Variants in DTNBP1 observed in about 807,000 individuals in gnomAD.
DTNBP1 encodes the protein dystrobrevin binding protein 1.
Under a neutral mutation model 42.8 loss-of-function variants are expected in DTNBP1, and 35 were observed. The ratio of observed to expected loss-of-function variants is 0.82; its 90% CI spans 0.63 to 1.09. DTNBP1 has a LOEUF of 1.09. Ranked by LOEUF, DTNBP1 falls within the 50% of genes least tolerant of loss-of-function variation. DTNBP1 has a pLI of 0.00. For synonymous variants in DTNBP1, 171 were observed against 162.2 expected, an observed-to-expected ratio of 1.05 and a Z score of -0.41; for missense variants, 457 against 424.2, an observed-to-expected ratio of 1.08 and a Z score of -0.68.
At chr6:15,541,561 T>A (rs1396103985) in intron 7 of DTNBP1, among the ~76,000 whole-genome samples, 1 of 152,196 alleles carries the variant, frequency 6.6e-6, no homozygotes. Context: ...TGCAGTAGTT[T>A]TTCTACGACG....
At chr6:15,599,805 CAAATTT>C (rs1239853232) in intron 6 of DTNBP1, among the ~76,000 whole-genome samples, 2 of 152,118 alleles carry the variant, frequency 1.3e-5, no homozygotes, top group Non-Finnish European at 2.9e-5. Flanking sequence ...ATCTTTATTA[CAAATTT>C]AAATTTAAAT....
At chr6:15,538,752 TCC>T (rs2127803802) in intron 7 of DTNBP1, among the ~76,000 whole-genome samples, 1 of 152,324 alleles carries the variant, frequency 6.6e-6, no homozygotes, top group South Asian at 2.1e-4. Context: ...GACACCCTGC[TCC>T]GCTGAGTTTG....
intron 7 of DTNBP1, among the ~76,000 whole-genome samples, chr6:15,550,785 G>A (rs139414101): frequency 7.3e-4 from 111 of 152,338 alleles, no homozygotes; most frequent in Non-Finnish European, 9.8e-4. Context: ...ATGAGAGGCA[G>A]ATTCTGCCCC....
At chr6:15,565,904 T>C (rs1349215865) in intron 7 of DTNBP1, among the ~76,000 whole-genome samples, 1 of 152,214 alleles carries the variant, frequency 6.6e-6, no homozygotes, top group Non-Finnish European at 1.5e-5. Context: ...TTAGCACTTA[T>C]TGTGAAGTGT....
At chr6:15,623,807 T>C (rs1759180274) in intron 5 of DTNBP1, among the ~76,000 whole-genome samples, 1 of 152,204 alleles carries the variant, frequency 6.6e-6, no homozygotes, top group Non-Finnish European at 1.5e-5. Flanking sequence ...TTTCACAGAA[T>C]AAGAAAGTGC....
intron 7 of DTNBP1, among the ~76,000 whole-genome samples, chr6:15,586,189 A>G (rs888045470): frequency 1.3e-5 from 2 of 152,190 alleles, no homozygotes; most frequent in Non-Finnish European, 2.9e-5. Context: ...AAAATTAAAA[A>G]TATAGTTCAT....
At chr6:15,604,352 C>A (rs1207410615) in intron 6 of DTNBP1, among the ~76,000 whole-genome samples, 2 of 152,210 alleles carry the variant, frequency 1.3e-5, no homozygotes, top group East Asian at 3.9e-4. Flanking sequence ...CAGACTTCTG[C>A]TGCAGAACTG....
chr6:15,624,445 A>G (rs1309664219), intron 5 of DTNBP1, among the ~76,000 whole-genome samples: 1 of 152,226 alleles, frequency 6.6e-6, no homozygotes, highest in East Asian at 1.9e-4. Flanking sequence ...ACAATTCCCA[A>G]GGGGCTAGGT....
intron 9 of DTNBP1, chr6:15,524,178 G>A (rs777567936): frequency 6.2e-6 from 9 of 1,455,472 alleles, no homozygotes; most frequent in African/African-American, 2.8e-5. Context: ...CGTGAGCCCC[G>A]CAGGAGAGTC....
intron 6 of DTNBP1, among the ~76,000 whole-genome samples, chr6:15,600,215 G>C (rs983120976): frequency 6.6e-6 from 1 of 152,126 alleles, no homozygotes; most frequent in Non-Finnish European, 1.5e-5. Context: ...AGTACAGATG[G>C]CTTTGTGTGG....
At chr6:15,524,120 G>A (rs1772162516) in intron 9 of DTNBP1, 3 of 1,358,356 alleles carry the variant, frequency 2.2e-6, no homozygotes, top group Middle Eastern at 2.9e-4. Flanking sequence ...CTTTGCCCAT[G>A]GCAGGCACGC....
intron 9 of DTNBP1, 153 bp downstream of exon 9, chr6:15,524,373 C>G: frequency 6.2e-7 from 1 of 1,613,716 alleles, no homozygotes; most frequent in Non-Finnish European, 8.5e-7. Context: ...GCCACACAGC[C>G]GTGTGGAACC....
chr6:15,589,714 G>C (rs895417500), intron 7 of DTNBP1, among the ~76,000 whole-genome samples: 2 of 151,976 alleles, frequency 1.3e-5, no homozygotes, highest in Non-Finnish European at 2.9e-5. Flanking sequence ...CCTTCTCTAA[G>C]GTCTTAGGAA....
At chr6:15,549,433 C>T (rs553527223) in intron 7 of DTNBP1, among the ~76,000 whole-genome samples, 10 of 146,958 alleles carry the variant, frequency 6.8e-5, no homozygotes, top group Non-Finnish European at 1.2e-4. Context: ...TGCAGTGAGC[C>T]GAGACCGCGC....
chr6:15,617,873 C>A (rs893342492), intron 5 of DTNBP1, among the ~76,000 whole-genome samples: 1 of 151,950 alleles, frequency 6.6e-6, no homozygotes, highest in African/African-American at 2.4e-5. Context: ...AATAGACAAA[C>A]TAGACTGTAT....
chr6:15,586,272 C>CA (rs1310625399), intron 7 of DTNBP1, among the ~76,000 whole-genome samples: 3 of 152,216 alleles, frequency 2.0e-5, no homozygotes, highest in African/African-American at 7.2e-5. Flanking sequence ...AAGGTTTTTT[C>CA]AAATTCAGCA....
At chr6:15,561,526 T>C (rs1341135964) in intron 7 of DTNBP1, among the ~76,000 whole-genome samples, 5 of 152,226 alleles carry the variant, frequency 3.3e-5, no homozygotes, top group Non-Finnish European at 7.3e-5. Context: ...CTACCGTGAA[T>C]ACAAGAGATG....
chr6:15,620,279 A>C (rs1176689938), intron 5 of DTNBP1, among the ~76,000 whole-genome samples: 1 of 152,314 alleles, frequency 6.6e-6, no homozygotes, highest in African/African-American at 2.4e-5. Flanking sequence ...AACTGTATTT[A>C]AGATTTTAAA....
At chr6:15,526,509 A>G (rs569975533) in intron 8 of DTNBP1, among the ~76,000 whole-genome samples, 1 of 152,232 alleles carries the variant, frequency 6.6e-6, no homozygotes, top group African/African-American at 2.4e-5. Flanking sequence ...GTTGGGGAAA[A>G]GTATTATGGT....
Sources: gnomAD v4.1 joint callset for allele counts (sites outside exome capture counted in the v4.1 genomes callset) on GRCh38, gnomAD v4.1.1 for gene constraint, MANE v1.5 for transcripts, NCBI Gene and HGNC (gene_info 2026-07-23, HGNC 2026-07-21) for gene names.